Variants in FRMD5 observed in about 807,000 individuals in gnomAD.
FRMD5 encodes the protein FERM domain containing 5, also known as FERM domain-containing protein 5.
Under a neutral mutation model 69.0 loss-of-function variants are expected in FRMD5, and 20 were observed. That is an observed-to-expected ratio of 0.29 (90% CI 0.20 to 0.42). The LOEUF (loss-of-function observed/expected upper bound fraction) is 0.42, where lower values mean the gene tolerates loss of function less well. FRMD5 is among the 10% of genes least tolerant of loss of function. The pLI, the probability that FRMD5 is intolerant of heterozygous loss-of-function variation, is 1.00. For synonymous variants in FRMD5, 271 were observed against 260.1 expected (o/e 1.04, Z -0.40); for missense variants, 595 against 708.6 (o/e 0.84, Z 1.82).
intron 13 of FRMD5, among the ~76,000 whole-genome samples, chr15:43,875,363 AAT>A (rs749584177): frequency 0.058 from 6,042 of 104,080 alleles, 351 homozygotes; most frequent in Non-Finnish European, 0.078. Flanking sequence ...AAAAAAAAAA[AAT>A]ATATATATAT....
intron 1 of FRMD5, among the ~76,000 whole-genome samples, chr15:44,096,206 CA>C (rs1213347011): frequency 0.16 from 7,523 of 48,114 alleles, 187 homozygotes; most frequent in African/African-American, 0.3. Flanking sequence ...AACTCCATCT[CA>C]AAAAAAAAAA....
chr15:43,960,627 G>T (rs556843676), intron 1 of FRMD5, among the ~76,000 whole-genome samples: 2 of 151,162 alleles, frequency 1.3e-5, no homozygotes, highest in African/African-American at 4.9e-5. Flanking sequence ...CAGGTGATCC[G>T]CCTGCCTCAG....
intron 1 of FRMD5, among the ~76,000 whole-genome samples, chr15:44,078,170 GT>G (rs935367059): frequency 1.3e-5 from 2 of 152,032 alleles, no homozygotes; most frequent in Admixed American, 6.6e-5. Flanking sequence ...CATGATAACT[GT>G]TTTTTCAAAT....
chr15:44,073,848 C>T (rs1249525598), intron 1 of FRMD5, among the ~76,000 whole-genome samples: 1 of 152,108 alleles, frequency 6.6e-6, no homozygotes, highest in African/African-American at 2.4e-5. Flanking sequence ...GACAATAAAA[C>T]ATTGGTATGA....
At chr15:44,136,117 A>G (rs889512692) in intron 1 of FRMD5, among the ~76,000 whole-genome samples, 1 of 151,902 alleles carries the variant, frequency 6.6e-6, no homozygotes, top group Non-Finnish European at 1.5e-5. Context: ...CACCTCCCAG[A>G]TCTTCCCACC....
At chr15:43,919,966 A>C (rs1296621335) in intron 2 of FRMD5, among the ~76,000 whole-genome samples, 157 bp from the exon 3 acceptor site, 1 of 152,170 alleles carries the variant, frequency 6.6e-6, no homozygotes, top group African/African-American at 2.4e-5. Context: ...GAGTGATATG[A>C]TTTTCTGAAA....
At chr15:44,045,714 A>G (rs558021317) in intron 1 of FRMD5, among the ~76,000 whole-genome samples, 24 of 152,170 alleles carry the variant, frequency 1.6e-4, no homozygotes, top group Non-Finnish European at 2.9e-4. Flanking sequence ...TCAGAGTGTA[A>G]GGAAGGGGCA....
At chr15:44,091,535 C>T (rs952827214) in intron 1 of FRMD5, among the ~76,000 whole-genome samples, 1 of 152,020 alleles carries the variant, frequency 6.6e-6, no homozygotes, top group African/African-American at 2.4e-5. Flanking sequence ...CTTTTCTAAG[C>T]ACAAGAGACT....
chr15:43,940,788 G>C (rs1481228227), intron 1 of FRMD5, among the ~76,000 whole-genome samples: 1 of 152,182 alleles, frequency 6.6e-6, no homozygotes, highest in African/African-American at 2.4e-5. Context: ...GCGTGAATGA[G>C]AATTAGGAAT....
rs930030320 is a variant in FRMD5, at chr15:44,148,910, G to T, written c.102+46043C>A. ...GGCAATTATAAAAGCTAGTATTATT[G>T]TAACAATGATTTGTAACTCCAGTTT... On this transcript the variant is annotated intron_variant, in intron 1 of 13. Coordinates refer to ENST00000417257, the MANE Select transcript of FRMD5 (RefSeq NM_032892.5). Among the ~76,000 whole-genome samples the T allele has an allele frequency of 1.1e-4, 17 of 152,160 alleles. 1 individual carries two copies. Among genetic ancestry groups the T allele is most frequent in the Admixed American group, 8.5e-4 (13 of 15,278 alleles).
chr15:44,194,984 A>G lies in FRMD5; in HGVS notation c.71T>C (p.Leu24Pro). 1 of 1,551,196 alleles carries G rather than the reference A, an allele frequency of 6.4e-7. No homozygotes were observed. Among genetic ancestry groups the G allele is most frequent in the Non-Finnish European group, 8.7e-7 (1 of 1,152,786 alleles). Residue 24 changes from leucine (L) to proline (P), a missense_variant, in exon 1 of 14, where the codon CTG becomes CCG. This residue lies in a region of FRMD5 where 44 missense variants were observed against 33.6 expected (regional missense o/e 1.31). Transcript: ENST00000417257. The part of the protein sequence containing the change: ...EREYSCTVRL[L>P]DDSEYTCTIQ... ...GGTGCAGGTGTACTCGCTGTCGTCC[A>G]GCAGCCGCACGGTGCAGCTGTACTC...
chr15:44,109,537 A>G (rs543078509), intron 1 of FRMD5, among the ~76,000 whole-genome samples: 63 of 152,132 alleles, frequency 4.1e-4, no homozygotes, highest in African/African-American at 1.5e-3. Context: ...GAAAGTACAG[A>G]GTTCCCATAT....
intron 1 of FRMD5, among the ~76,000 whole-genome samples, chr15:44,013,492 A>G (rs887368158): frequency 1.1e-4 from 16 of 152,372 alleles, no homozygotes; most frequent in South Asian, 6.2e-4. Context: ...AGAGATTGGT[A>G]TAATATCTTG....
chr15:44,130,863 G>T (rs746894383), intron 1 of FRMD5, among the ~76,000 whole-genome samples: 6 of 152,070 alleles, frequency 3.9e-5, no homozygotes, highest in Non-Finnish European at 2.9e-5. Context: ...TACATTAAAA[G>T]AAATTATTAT....
chr15:43,996,592 GT>G (rs1316278783), intron 1 of FRMD5, among the ~76,000 whole-genome samples: 9 of 151,500 alleles, frequency 5.9e-5, no homozygotes, highest in East Asian at 5.8e-4. Context: ...GAGGTGATGA[GT>G]GCTATAAAGT....
chr15:43,986,913 T>C (rs1163085497), intron 1 of FRMD5, among the ~76,000 whole-genome samples: 1 of 152,200 alleles, frequency 6.6e-6, no homozygotes, highest in African/African-American at 2.4e-5. Flanking sequence ...ATTTTGTTAA[T>C]TCTTGCAATA....
chr15:44,016,084 C>T (rs184531888), intron 1 of FRMD5, among the ~76,000 whole-genome samples: 1 of 152,286 alleles, frequency 6.6e-6, no homozygotes, highest in Admixed American at 6.5e-5. Flanking sequence ...TCTCTTGCTT[C>T]AAAACCCAGC....
At chr15:44,162,479 T>C (rs1184654941) in intron 1 of FRMD5, among the ~76,000 whole-genome samples, 1 of 152,146 alleles carries the variant, frequency 6.6e-6, no homozygotes, top group Non-Finnish European at 1.5e-5. Flanking sequence ...CTAGCTTTCT[T>C]TCATTATAAT....
intron 1 of FRMD5, among the ~76,000 whole-genome samples, chr15:43,969,465 T>A (rs2140570229): frequency 6.6e-6 from 1 of 152,346 alleles, no homozygotes; most frequent in East Asian, 1.9e-4. Flanking sequence ...AACAGATATT[T>A]ACTCAACACC....
Sources: gnomAD v4.1 joint callset for allele counts (sites outside exome capture counted in the v4.1 genomes callset) on GRCh38, gnomAD v4.1.1 for gene constraint, gnomAD v4.1.1 regional missense constraint, MANE v1.5 for transcripts, NCBI Gene and HGNC (gene_info 2026-07-23, HGNC 2026-07-21) for gene names.